The following TMEM196 variants were observed in gnomAD, a reference collection of about 807,000 sequenced individuals.
TMEM196 encodes transmembrane protein 196.
In TMEM196, 17 loss-of-function variants were observed where a neutral mutation model predicts 20.0. The observed-to-expected ratio is 0.85, with a 90% CI of 0.58 to 1.27. TMEM196 has a LOEUF of 1.27. TMEM196 is among the 50% of genes most tolerant of loss of function. The pLI is 0.00. For missense variants in TMEM196, 267 were observed against 223.0 expected, an observed-to-expected ratio of 1.20 and a Z score of -1.26; for synonymous variants, 113 against 88.9, an observed-to-expected ratio of 1.27 and a Z score of -1.52.
In TMEM196 at chr7:19,772,637, C is replaced by G; in HGVS notation, c.60G>C (p.Gly20=). ...SLLVLSVLEI[G]LGVSSVAVGA... is the part of the protein sequence containing the mutation. ...CCACGGCCACGCTGGACACCCCCAG[C>G]CCTATCTCCAGCACGGAGAGCACCA... Residue 20 remains glycine, a synonymous_variant, in exon 1 of 5, where the codon GGG becomes GGC. Transcript: ENST00000405844. 1 of 1,547,464 alleles carries G rather than the reference C, an allele frequency of 6.5e-7. No homozygotes were observed. The highest frequency in any genetic ancestry group is 8.7e-7 in the Non-Finnish European group (1 of 1,145,878).
At chr7:19,744,125 T>C (rs182735558) in intron 1 of TMEM196, among the ~76,000 whole-genome samples, 9 of 152,306 alleles carry the variant, frequency 5.9e-5, no homozygotes, top group Admixed American at 2.6e-4. Flanking sequence ...TTCTGAATTA[T>C]TTAAGAATAG....
At chr7:19,732,594 A>AC (rs1784251347) in intron 1 of TMEM196, among the ~76,000 whole-genome samples, 10 of 148,804 alleles carry the variant, frequency 6.7e-5, no homozygotes, top group East Asian at 2.1e-4. Context: ...ACAAAAAAAA[A>AC]AAAAACGGAA....
intron 1 of TMEM196, among the ~76,000 whole-genome samples, chr7:19,730,945 C>T (rs537500222): frequency 5.1e-4 from 78 of 152,166 alleles, no homozygotes; most frequent in African/African-American, 1.8e-3. Flanking sequence ...AATGTGTTAA[C>T]GTTCCCTAAC....
At chr7:19,758,478 G>C (rs931754480) in intron 1 of TMEM196, among the ~76,000 whole-genome samples, 4 of 152,132 alleles carry the variant, frequency 2.6e-5, no homozygotes, top group African/African-American at 9.7e-5. Context: ...TTTAAGGATA[G>C]TTAATATTTT....
At chr7:19,767,528 A>G (rs1785684680) in intron 1 of TMEM196, among the ~76,000 whole-genome samples, 1 of 152,072 alleles carries the variant, frequency 6.6e-6, no homozygotes. Flanking sequence ...TTTTTTCTAC[A>G]TGGCGAAATG....
At chr7:19,758,711 C>G (rs1785312769) in intron 1 of TMEM196, among the ~76,000 whole-genome samples, 1 of 152,160 alleles carries the variant, frequency 6.6e-6, no homozygotes. Context: ...GCTTTCAGTG[C>G]ACACGTACTC....
At chr7:19,735,352 A>G (rs972348014) in intron 1 of TMEM196, among the ~76,000 whole-genome samples, 3 of 152,200 alleles carry the variant, frequency 2.0e-5, no homozygotes, top group African/African-American at 7.2e-5. Flanking sequence ...CCATTTTCTT[A>G]GCAAGAGGAA....
intron 1 of TMEM196, among the ~76,000 whole-genome samples, chr7:19,737,359 C>T (rs1784443279): frequency 6.6e-6 from 1 of 151,940 alleles, no homozygotes; most frequent in African/African-American, 2.4e-5. Context: ...TCATTTGCTA[C>T]ATATAGGAAT....
intron 1 of TMEM196, among the ~76,000 whole-genome samples, chr7:19,738,315 T>C (rs1202902922): frequency 6.6e-6 from 1 of 152,046 alleles, no homozygotes. Context: ...TCGTAAGGGA[T>C]TGGAGTTGTA....
intron 1 of TMEM196, among the ~76,000 whole-genome samples, chr7:19,745,564 G>C (rs1784722466): frequency 6.6e-6 from 1 of 151,580 alleles, no homozygotes; most frequent in South Asian, 2.1e-4. Context: ...GCCTAACACA[G>C]CTAGAATAAA....
At chr7:19,766,608 G>A (rs1034168449) in intron 1 of TMEM196, among the ~76,000 whole-genome samples, 3 of 151,286 alleles carry the variant, frequency 2.0e-5, no homozygotes, top group African/African-American at 7.3e-5. Context: ...TTTTAATGCA[G>A]TAGTGAAATG....
chr7:19,759,809 C>G (rs1002509956), intron 1 of TMEM196, among the ~76,000 whole-genome samples: 4 of 152,126 alleles, frequency 2.6e-5, no homozygotes, highest in African/African-American at 9.7e-5. Context: ...ACACAAAACA[C>G]AAGGTCTTAT....
chr7:19,732,316 T>C (rs1411610837), intron 1 of TMEM196, among the ~76,000 whole-genome samples: 3 of 152,158 alleles, frequency 2.0e-5, no homozygotes, highest in Non-Finnish European at 4.4e-5. Context: ...GGCTCACACC[T>C]GTAACCCCAG....
chr7:19,745,731 C>G (rs1269687534), intron 1 of TMEM196, among the ~76,000 whole-genome samples: 6 of 148,022 alleles, frequency 4.1e-5, no homozygotes, highest in Non-Finnish European at 7.4e-5. Flanking sequence ...ATCCCACATC[C>G]TGTTGGAGGC....
Position 19,725,666 on chromosome 7 carries a change from G to C in TMEM196, c.307C>G (p.Leu103Val), listed in dbSNP as rs1273327813. 1 of 1,614,164 alleles carries C rather than the reference G, an allele frequency of 6.2e-7. No homozygotes were observed. Among genetic ancestry groups the C allele is most frequent in the South Asian group, 1.1e-5 (1 of 91,088 alleles). Residue 103 changes from leucine to valine, a missense_variant, in exon 3 of 5, where the codon CTG (leucine) becomes GTG (valine). Coordinates refer to ENST00000405844, the MANE Select transcript of TMEM196 (RefSeq NM_001363562.2). Reference protein sequence around the residue: ...VTKKTSSLYPLHLASMSLACI... With the variant: ...VTKKTSSLYPVHLASMSLACI... Reference sequence around the variant, plus strand: ...GCGAGAGACATGGAGGCAAGGTGCAGTGGGTATAGGGAGGAAGTTTTCTTT... The same window carrying C: ...GCGAGAGACATGGAGGCAAGGTGCACTGGGTATAGGGAGGAAGTTTTCTTT...
chr7:19,747,669 A>G (rs964612735), intron 1 of TMEM196, among the ~76,000 whole-genome samples: 3 of 152,234 alleles, frequency 2.0e-5, no homozygotes, highest in Non-Finnish European at 4.4e-5. Flanking sequence ...GAATTTTTCA[A>G]TTATGATTTT....
chr7:19,762,279 A>T (rs1218420339), intron 1 of TMEM196, among the ~76,000 whole-genome samples: 1 of 152,138 alleles, frequency 6.6e-6, no homozygotes, highest in Non-Finnish European at 1.5e-5. Context: ...TTGGAGTTCA[A>T]ATTTGTGTTA....
intron 1 of TMEM196, among the ~76,000 whole-genome samples, chr7:19,760,899 A>G (rs143474820): frequency 0.01 from 1,576 of 152,322 alleles, 17 homozygotes; most frequent in Non-Finnish European, 0.013. Context: ...CATGAGAGTC[A>G]TAACAGAAGC....
intron 1 of TMEM196, among the ~76,000 whole-genome samples, chr7:19,756,626 A>C (rs1319499453): frequency 1.4e-5 from 2 of 144,886 alleles, no homozygotes; most frequent in Admixed American, 7.1e-5. Context: ...TTATTAGCTC[A>C]CTTTAAAAGT....
Sources: allele counts gnomAD v4.1 joint callset (sites outside exome capture counted in the v4.1 genomes callset), GRCh38; gene constraint gnomAD v4.1.1; transcripts MANE v1.5; gene names NCBI Gene and HGNC (gene_info 2026-07-23, HGNC 2026-07-21).